NUBPL: variants seen among roughly 807,000 people sequenced by gnomAD.
The protein encoded by NUBPL is iron-sulfur cluster transfer protein NUBPL.
NUBPL carries 31 observed loss-of-function variants against 45.7 expected under a neutral mutation model. That is an observed-to-expected ratio of 0.68 (90% CI 0.51 to 0.92). NUBPL has a LOEUF of 0.92. Among genes scored for constraint, NUBPL ranks in the 40% least tolerant of loss-of-function variants. The pLI, the probability that NUBPL is intolerant of heterozygous loss-of-function variation, is 0.00. For missense variants in NUBPL, 401 were observed against 398.7 expected (o/e 1.01, Z -0.05); for synonymous variants, 144 against 140.9 (o/e 1.02, Z -0.15).
At chr14:31,778,960 T>C (rs2039144600) in intron 6 of NUBPL, among the ~76,000 whole-genome samples, 1 of 152,208 alleles carries the variant, frequency 6.6e-6, no homozygotes, top group Non-Finnish European at 1.5e-5. Context: ...GTTCCACTTA[T>C]TAGGCAGACT....
intron 3 of NUBPL, among the ~76,000 whole-genome samples, chr14:31,580,754 C>T (rs2033840279): frequency 6.6e-6 from 1 of 152,148 alleles, no homozygotes; most frequent in Non-Finnish European, 1.5e-5. Flanking sequence ...AGCAAAAGCC[C>T]TGAGGTAGAA....
chr14:31,587,071 C>T (rs2139512920), intron 3 of NUBPL, among the ~76,000 whole-genome samples: 1 of 152,264 alleles, frequency 6.6e-6, no homozygotes, highest in Middle Eastern at 3.4e-3. Flanking sequence ...ACTCTTAGGA[C>T]TGGTGCTAAC....
intron 6 of NUBPL, among the ~76,000 whole-genome samples, chr14:31,775,531 T>C (rs745513127): frequency 3.9e-5 from 6 of 152,178 alleles, no homozygotes; most frequent in Non-Finnish European, 8.8e-5. Flanking sequence ...GCAGGGAGCC[T>C]CTCTTGGCTG....
At chr14:31,782,885 A>G (rs1055702242) in intron 6 of NUBPL, among the ~76,000 whole-genome samples, 1 of 152,242 alleles carries the variant, frequency 6.6e-6, no homozygotes, top group Non-Finnish European at 1.5e-5. Flanking sequence ...TAATTATTAG[A>G]AAAACATGTT....
intron 4 of NUBPL, among the ~76,000 whole-genome samples, chr14:31,638,008 A>G (rs1197856572): frequency 1.3e-5 from 2 of 152,282 alleles, no homozygotes; most frequent in East Asian, 1.9e-4. Context: ...GATTTCCTGA[A>G]TACAGCACAC....
At chr14:31,656,091 C>CA (rs1555324895) in intron 4 of NUBPL, among the ~76,000 whole-genome samples, 1 of 151,432 alleles carries the variant, frequency 6.6e-6, no homozygotes, top group Non-Finnish European at 1.5e-5. Flanking sequence ...ATAGAGATGG[C>CA]TTTTTTTTTC....
chr14:31,678,232 G>C (rs1467549230), intron 6 of NUBPL, among the ~76,000 whole-genome samples: 1 of 152,160 alleles, frequency 6.6e-6, no homozygotes, highest in African/African-American at 2.4e-5. Flanking sequence ...AGCAGGTCCA[G>C]AAATGCCATC....
intron 7 of NUBPL, among the ~76,000 whole-genome samples, chr14:31,811,757 T>C (rs182840248): frequency 6.6e-6 from 1 of 152,342 alleles, no homozygotes; most frequent in East Asian, 1.9e-4. Flanking sequence ...TTTGTGGTTT[T>C]ATCTACCTTT....
intron 6 of NUBPL, among the ~76,000 whole-genome samples, chr14:31,757,227 G>T (rs1366054709): frequency 7.8e-6 from 1 of 128,730 alleles, no homozygotes; most frequent in Non-Finnish European, 1.8e-5. Flanking sequence ...AAATGAGTTA[G>T]GGAGGATTCC....
At chr14:31,646,231 C>T (rs945782603) in intron 4 of NUBPL, among the ~76,000 whole-genome samples, 3 of 151,936 alleles carry the variant, frequency 2.0e-5, no homozygotes, top group East Asian at 1.9e-4. Flanking sequence ...CTACTGCCCA[C>T]GCTAGAGTGC....
chr14:31,748,348 T>C (rs1162631843), intron 6 of NUBPL, among the ~76,000 whole-genome samples: 1 of 152,194 alleles, frequency 6.6e-6, no homozygotes, highest in Non-Finnish European at 1.5e-5. Context: ...GTCTGATGTT[T>C]CTCTGTTGTT....
intron 4 of NUBPL, among the ~76,000 whole-genome samples, chr14:31,622,327 A>G (rs1332226674): frequency 6.6e-6 from 1 of 152,174 alleles, no homozygotes; most frequent in Non-Finnish European, 1.5e-5. Context: ...AAAGTTTGGA[A>G]ATATTGCAGC....
At chr14:31,732,247 G>A (rs2038067898) in intron 6 of NUBPL, among the ~76,000 whole-genome samples, 1 of 150,712 alleles carries the variant, frequency 6.6e-6, no homozygotes, top group Non-Finnish European at 1.5e-5. Context: ...TTCTAGATCT[G>A]CTACTACTTA....
At chr14:31,851,235 CTT>C (rs10611566) in intron 10 of NUBPL, among the ~76,000 whole-genome samples, 35,071 of 138,952 alleles carry the variant, frequency 0.25, 5,831 homozygotes, top group African/African-American at 0.5. Context: ...AATAGTTTTT[CTT>C]TTTTTTTTTT....
chr14:31,585,888 A>G (rs993539806), intron 3 of NUBPL, among the ~76,000 whole-genome samples: 1 of 152,236 alleles, frequency 6.6e-6, no homozygotes, highest in African/African-American at 2.4e-5. Flanking sequence ...ACAGATGTAC[A>G]GATGAATTGG....
At chr14:31,644,026 A>G (rs922360863) in intron 4 of NUBPL, among the ~76,000 whole-genome samples, 9 of 151,242 alleles carry the variant, frequency 6.0e-5, no homozygotes, top group Admixed American at 1.3e-4. Context: ...TTTTTGGGTC[A>G]TCCCTCTTTT....
intron 4 of NUBPL, among the ~76,000 whole-genome samples, chr14:31,645,916 C>T (rs2035838969): frequency 6.6e-6 from 1 of 151,984 alleles, no homozygotes; most frequent in Non-Finnish European, 1.5e-5. Context: ...GGACTACATA[C>T]CATAATTATA....
chr14:31,824,379 G>A (rs116795565), intron 7 of NUBPL, among the ~76,000 whole-genome samples: 1,578 of 151,970 alleles, frequency 0.01, 29 homozygotes, highest in African/African-American at 0.037. Flanking sequence ...TAATCTTCCC[G>A]CACCCCATAC....
chr14:31,834,295 C>T (rs1235806422), intron 8 of NUBPL, among the ~76,000 whole-genome samples: 10 of 150,256 alleles, frequency 6.7e-5, no homozygotes, highest in Admixed American at 2.0e-4. Flanking sequence ...ATTCTCCTGC[C>T]TCAGCCTCCT....
Sources: gnomAD v4.1 joint callset for allele counts (sites outside exome capture counted in the v4.1 genomes callset) on GRCh38, gnomAD v4.1.1 for gene constraint, MANE v1.5 for transcripts, NCBI Gene and HGNC (gene_info 2026-07-23, HGNC 2026-07-21) for gene names.